The following FGD5 variants were observed in gnomAD, a reference collection of about 807,000 sequenced individuals.
FGD5 encodes the protein FYVE, RhoGEF and PH domain-containing protein 5.
FGD5 carries 28 observed loss-of-function variants against 133.4 expected under a neutral mutation model. The observed-to-expected ratio is 0.21, with a 90% CI of 0.16 to 0.29. The LOEUF (loss-of-function observed/expected upper bound fraction) is 0.29. FGD5 is among the 10% of genes least tolerant of loss of function. The pLI is 1.00. For missense variants in FGD5, 1,858 were observed against 1,895.2 expected, an observed-to-expected ratio of 0.98 and a Z score of 0.36; for synonymous variants, 810 against 776.5, an observed-to-expected ratio of 1.04 and a Z score of -0.72.
At chr3:14,830,762 A>G (rs1419794985) in intron 1 of FGD5, among the ~76,000 whole-genome samples, 1 of 152,194 alleles carries the variant, frequency 6.6e-6, no homozygotes, top group Admixed American at 6.5e-5. Flanking sequence ...GCTGTCAGGC[A>G]TAGCATGCAG....
intron 1 of FGD5, among the ~76,000 whole-genome samples, chr3:14,835,927 A>G (rs900302653): frequency 6.6e-6 from 1 of 152,208 alleles, no homozygotes; most frequent in African/African-American, 2.4e-5. Flanking sequence ...AGAAGGGATC[A>G]GAGGAGGGCA....
intron 1 of FGD5, among the ~76,000 whole-genome samples, chr3:14,854,836 AAACG>A: frequency 6.6e-6 from 1 of 152,198 alleles, no homozygotes; most frequent in East Asian, 1.9e-4. Context: ...CCATCATCTC[AAACG>A]TTGATCATTT....
chr3:14,933,287 C>A lies in FGD5; in HGVS notation c.*120C>A. On this transcript the variant is annotated 3_prime_UTR_variant, in exon 20 of 20. Coordinates refer to ENST00000285046, the MANE Select transcript of FGD5 (RefSeq NM_152536.4). ...CCTGGATTCAGCAATGAGGCCTGAC[C>A]TTTTTTGCTATAACCGCCCCACCAC... 8.6e-7 allele frequency: 1 copy of A among 1,168,090 alleles called. No individual in the cohort carries two copies. The highest frequency in any genetic ancestry group is 1.3e-6 in the Non-Finnish European group (1 of 799,636). 72.4% of individuals were successfully genotyped at this position (1,168,090 alleles called of 1,614,324 possible).
At position 14,933,426 on chromosome 3, in the gene FGD5, T is replaced by C. The variant is rs1220557670; in HGVS notation, c.*259T>C. On this transcript the variant is annotated 3_prime_UTR_variant, in exon 20 of 20. Coordinates refer to ENST00000285046, the MANE Select transcript of FGD5 (RefSeq NM_152536.4). ...CACCCGCCACCCAGTAATAAACTAT[T>C]TCCTTACCCCGCAGTGAGTTAAAAT... 6.4e-5 allele frequency: 32 copies of C among 496,842 alleles called. 1 individual carries two copies. In the Admixed American group the frequency reaches 1.1e-3, roughly 17 times the overall value. The allele number at this position is 496,842 out of a possible 1,614,324, so 30.8% of individuals were successfully genotyped here. A position where few individuals can be genotyped will look rare whatever the true frequency, so the allele number is the denominator to read the frequency against.
Position 14,864,068 on chromosome 3 carries a change from G to A in FGD5, c.2526-60G>A, listed in dbSNP as rs2037449489. The A allele has an allele frequency of 6.3e-6, 10 of 1,577,474 alleles. No homozygotes were observed. In the Admixed American group the frequency reaches 1.7e-4, roughly 28 times the overall value. ...ATGGCATGAATGGGACCCCTGGTAG[G>A]TTCACTTTGCCTATGCTAAACAAAA... is the stretch of plus-strand genomic sequence containing the variant. On this transcript the variant is annotated intron_variant, in intron 1 of 19. Transcript: ENST00000285046.
intron 1 of FGD5, among the ~76,000 whole-genome samples, chr3:14,861,905 T>C (rs2037404766): frequency 1.3e-5 from 2 of 152,102 alleles, no homozygotes; most frequent in South Asian, 4.2e-4. Context: ...GGTTTTGAGA[T>C]GGTCATTATG....
In FGD5 at chr3:14,877,237, G is replaced by A. The variant is rs184657909; in HGVS notation, c.2659-3335G>A. 1.1e-4 allele frequency among the ~76,000 whole-genome samples: 17 copies of A among 152,338 alleles called. No homozygotes were observed. In the East Asian group the frequency reaches 3.1e-3, roughly 28 times the overall value. ...CCCAGAAGCAGTTTCTGCGTGCCTC[G>A]GGCACACAGCCTGCCAGGCCTCCCC... is the stretch of plus-strand genomic sequence containing the variant. On this transcript the variant is annotated intron_variant, in intron 2 of 19. Coordinates refer to ENST00000285046, the MANE Select transcript of FGD5 (RefSeq NM_152536.4).
At position 14,917,337 on chromosome 3, in the gene FGD5, A is replaced by G; in HGVS notation, c.3489+5A>G. 1.2e-6 allele frequency: 2 copies of G among 1,611,720 alleles called. No homozygotes were observed. Among genetic ancestry groups the G allele is most frequent in the African/African-American group, 1.3e-5 (1 of 75,024 alleles). ...TTGGCTGTGGCCAACATGAAGGTAA[A>G]TATCTGGTGCCAGGTACCCCCGGGT... is the stretch of plus-strand genomic sequence containing the variant. On this transcript the variant is annotated splice_donor_5th_base_variant and intron_variant, in intron 12 of 19. Transcript: ENST00000285046. This position sits in a 1 kb window ranked among gnomAD's most constrained non-coding sequence, Gnocchi z 4.1.
In FGD5 at chr3:14,819,450, G is replaced by T; in HGVS notation, c.379G>T (p.Gly127Cys). Residue 127 changes from glycine (G) to cysteine (C), a missense_variant, in exon 1 of 20, where the codon GGT (glycine) becomes TGT (cysteine). Gly to Cys is a radical substitution (Grantham distance 159, BLOSUM62 -3). Coordinates refer to ENST00000285046, the MANE Select transcript of FGD5 (RefSeq NM_152536.4). This position sits in a 1 kb window ranked among gnomAD's most constrained non-coding sequence, Gnocchi z 4.1. ...GEDSVAPAAP[G>C]AGALSREGEE... The stretch of plus-strand genomic sequence containing the variant: ...GGATTCAGTGGCCCCTGCTGCTCCG[G>T]GTGCAGGAGCGCTGAGCAGGGAGGG... The T allele has an allele frequency of 6.4e-7, 1 of 1,550,632 alleles. No homozygotes were observed.
At chr3:14,823,256 G>T (rs769023570) in intron 1 of FGD5, among the ~76,000 whole-genome samples, 25 of 152,102 alleles carry the variant, frequency 1.6e-4, no homozygotes, top group Non-Finnish European at 2.8e-4. Flanking sequence ...TCTCCGTGCT[G>T]GTCAGAGACC....
intron 2 of FGD5, among the ~76,000 whole-genome samples, chr3:14,876,397 G>C (rs1220537996): frequency 1.3e-5 from 2 of 152,134 alleles, no homozygotes; most frequent in South Asian, 2.1e-4. Flanking sequence ...TTTTGTTTCT[G>C]TGAATCACAT....
intron 1 of FGD5, among the ~76,000 whole-genome samples, chr3:14,839,727 T>G (rs2036881942): frequency 6.6e-6 from 1 of 152,028 alleles, no homozygotes; most frequent in South Asian, 2.1e-4. Flanking sequence ...GGTCAGGAGA[T>G]CGAGACCATC....
chr3:14,900,735 G>C (rs1013396799), intron 8 of FGD5, among the ~76,000 whole-genome samples: 1 of 152,152 alleles, frequency 6.6e-6, no homozygotes, highest in Non-Finnish European at 1.5e-5. Flanking sequence ...GGTGGTGCCA[G>C]GTCTGAAAAG....
At chr3:14,810,742 GGGGGTGCGGGCCCCGC>G, upstream of FGD5, 1 of 930,134 alleles carries the variant, frequency 1.1e-6, no homozygotes, top group Non-Finnish European at 1.3e-6. Flanking sequence ...GCGGGCGCCA[GGGGGTGCGGGCCCCGC>G]GGGGCGGCCG....
chr3:14,877,325 C>T (rs1003150971), intron 2 of FGD5, among the ~76,000 whole-genome samples: 6 of 152,130 alleles, frequency 3.9e-5, no homozygotes, highest in African/African-American at 9.7e-5. Flanking sequence ...CTGCCCCGTG[C>T]GTCCCACCCA....
At chr3:14,834,911 G>A (rs541185811) in intron 1 of FGD5, among the ~76,000 whole-genome samples, 4 of 152,148 alleles carry the variant, frequency 2.6e-5, no homozygotes, top group Non-Finnish European at 5.9e-5. Flanking sequence ...CAGACCCCGC[G>A]ATCTGCCACT....
intron 18 of FGD5, 39 bp from the exon 19 acceptor site, chr3:14,932,538 G>T: frequency 6.3e-7 from 1 of 1,598,476 alleles, no homozygotes; most frequent in Non-Finnish European, 8.5e-7. Flanking sequence ...TATGCAGAGT[G>T]TGGTGTTTAA....
At position 14,819,980 on chromosome 3, in the gene FGD5, C is replaced by T. The variant is rs2036450270; in HGVS notation, c.909C>T (p.Thr303=). 1 of 1,613,878 alleles carries T rather than the reference C, an allele frequency of 6.2e-7. No individual in the cohort carries two copies. The highest frequency in any genetic ancestry group is 1.7e-5 in the Admixed American group (1 of 60,018). Residue 303 remains threonine (T), a synonymous_variant, in exon 1 of 20, where the codon ACC becomes ACT. Coordinates refer to ENST00000285046, the MANE Select transcript of FGD5 (RefSeq NM_152536.4). This position sits in a 1 kb window ranked among gnomAD's most constrained non-coding sequence, Gnocchi z 4.1. The part of the protein sequence containing the change: ...LSEPPDHEKK[T]NQEVAAATLE... ...AACCACCTGACCACGAGAAGAAAAC[C>T]AACCAAGAAGTGGCAGCCGCCACCC...
intron 4 of FGD5, among the ~76,000 whole-genome samples, chr3:14,895,171 G>T (rs2038109567): frequency 6.6e-6 from 1 of 152,130 alleles, no homozygotes; most frequent in Non-Finnish European, 1.5e-5. Flanking sequence ...TCTCTTTGTT[G>T]ATTGTTTCCT....
Sources: allele counts gnomAD v4.1 joint callset (sites outside exome capture counted in the v4.1 genomes callset), GRCh38; gene constraint gnomAD v4.1.1; non-coding constraint Gnocchi (gnomAD v3.1); transcripts MANE v1.5; gene names NCBI Gene and HGNC (gene_info 2026-07-23, HGNC 2026-07-21).